SLIT3: variants seen among roughly 807,000 people sequenced by gnomAD.
SLIT3 encodes slit homolog 3 protein.
In SLIT3, 68 loss-of-function variants were observed where a neutral mutation model predicts 184.0. The observed-to-expected ratio is 0.37, with a 90% CI of 0.30 to 0.45. The LOEUF is 0.45. Among genes scored for constraint, SLIT3 ranks in the 20% least tolerant of loss-of-function variants. The pLI is 1.00. For missense variants in SLIT3, 1,707 were observed against 2,026.0 expected (o/e 0.84, Z 3.02); for synonymous variants, 831 against 828.6 (o/e 1.00, Z -0.05).
At chr5:168,907,116 C>T (rs955997322) in intron 4 of SLIT3, among the ~76,000 whole-genome samples, 3 of 152,216 alleles carry the variant, frequency 2.0e-5, no homozygotes, top group African/African-American at 7.2e-5. Flanking sequence ...TCGCCTTGGC[C>T]TCCCAAAATG....
At chr5:169,245,121 C>T (rs1017385466) in intron 2 of SLIT3, among the ~76,000 whole-genome samples, 1 of 152,164 alleles carries the variant, frequency 6.6e-6, no homozygotes, top group African/African-American at 2.4e-5. Flanking sequence ...AGCATCTCTT[C>T]CCTGGGAGCT....
At chr5:169,263,342 A>T (rs1210137135) in intron 1 of SLIT3, among the ~76,000 whole-genome samples, 1 of 152,010 alleles carries the variant, frequency 6.6e-6, no homozygotes, top group African/African-American at 2.4e-5. Context: ...TGTCTCTGAA[A>T]AATAATAAAA....
At chr5:169,106,347 A>T (rs1015676959) in intron 4 of SLIT3, among the ~76,000 whole-genome samples, 1 of 152,164 alleles carries the variant, frequency 6.6e-6, no homozygotes, top group Non-Finnish European at 1.5e-5. Context: ...GGGACTGTTA[A>T]ATAGTATGAG....
At chr5:168,843,028 C>T (rs370454955) in intron 6 of SLIT3, among the ~76,000 whole-genome samples, 15 of 152,186 alleles carry the variant, frequency 9.9e-5, no homozygotes, top group African/African-American at 3.4e-4. Context: ...CTCTCTCTGG[C>T]AGACGGGCAT....
chr5:168,732,791 A>G (rs1278509822), intron 20 of SLIT3, among the ~76,000 whole-genome samples: 1 of 152,136 alleles, frequency 6.6e-6, no homozygotes, highest in African/African-American at 2.4e-5. Context: ...CTGGACTCAT[A>G]CTTTTCACCA....
chr5:169,135,859 C>A (rs1761484222), intron 4 of SLIT3, among the ~76,000 whole-genome samples: 1 of 152,210 alleles, frequency 6.6e-6, no homozygotes, highest in Non-Finnish European at 1.5e-5. Flanking sequence ...GATAGAATCA[C>A]TTTGCCCCAA....
intron 1 of SLIT3, among the ~76,000 whole-genome samples, chr5:169,286,929 T>C (rs868381856): frequency 2.6e-5 from 4 of 152,132 alleles, no homozygotes; most frequent in Non-Finnish European, 4.4e-5. Flanking sequence ...TGACTGAATA[T>C]GGCTTGAATC....
At chr5:169,280,220 C>G (rs185352938) in intron 1 of SLIT3, among the ~76,000 whole-genome samples, 3 of 152,350 alleles carry the variant, frequency 2.0e-5, no homozygotes, top group Admixed American at 2.0e-4. Context: ...CCAAAATCCT[C>G]ATGCAAGGAG....
chr5:168,833,490 A>T (rs1757945034), intron 6 of SLIT3, among the ~76,000 whole-genome samples: 1 of 152,194 alleles, frequency 6.6e-6, no homozygotes, highest in Non-Finnish European at 1.5e-5. Flanking sequence ...TCTCTTCCAG[A>T]CTGCCATCTG....
intron 4 of SLIT3, among the ~76,000 whole-genome samples, chr5:168,978,462 AC>A (rs1041187573): frequency 4.6e-5 from 7 of 152,006 alleles, no homozygotes; most frequent in Non-Finnish European, 5.9e-5. Context: ...CTCCTCCTCC[AC>A]CCTTTGATTT....
chr5:169,261,922 C>G (rs537354894), intron 1 of SLIT3, among the ~76,000 whole-genome samples: 1 of 152,202 alleles, frequency 6.6e-6, no homozygotes. Context: ...GGCCCACATG[C>G]CAAGGAACTG....
intron 4 of SLIT3, among the ~76,000 whole-genome samples, chr5:169,118,033 TG>T (rs1294097866): frequency 5.3e-5 from 8 of 152,160 alleles, no homozygotes; most frequent in African/African-American, 1.9e-4. Flanking sequence ...GAAATGTGGC[TG>T]GGGGTGGTGG....
intron 2 of SLIT3, among the ~76,000 whole-genome samples, chr5:169,245,616 T>C (rs139957791): frequency 6.6e-6 from 1 of 152,186 alleles, no homozygotes; most frequent in African/African-American, 2.4e-5. Flanking sequence ...GGGATGCAAT[T>C]GTGATTGGAG....
At position 169,198,976 on chromosome 5, in the gene SLIT3, A is replaced by ATG. The variant is rs1554106511; in HGVS notation, c.342-5427_342-5426insCA. Among the ~76,000 whole-genome samples the ATG allele has an allele frequency of 2.2e-4, 33 of 149,328 alleles. No homozygotes were observed. The East Asian group carries it at 3.0e-3, about 14-fold the overall frequency. On this transcript the variant is annotated intron_variant, in intron 3 of 35. Coordinates refer to ENST00000519560, the MANE Select transcript of SLIT3 (RefSeq NM_003062.4). ...TATACACACACACACACACACACAC[A>ATG]TATGTGTGTATATTTATATATATAT...
At chr5:168,879,429 A>T (rs192743091) in intron 5 of SLIT3, among the ~76,000 whole-genome samples, 88 of 152,346 alleles carry the variant, frequency 5.8e-4, no homozygotes, top group African/African-American at 2.0e-3. Context: ...TTTTATAGAA[A>T]TTTAATTTGT....
intron 3 of SLIT3, among the ~76,000 whole-genome samples, chr5:169,215,224 A>C (rs1234462757): frequency 6.6e-6 from 1 of 151,866 alleles, no homozygotes. Flanking sequence ...CTTGAACGTA[A>C]CTCGCACTCT....
chr5:168,944,770 G>A (rs771473131), intron 4 of SLIT3, among the ~76,000 whole-genome samples: 2 of 152,118 alleles, frequency 1.3e-5, no homozygotes, highest in African/African-American at 2.4e-5. Context: ...GGTGAAAGTC[G>A]TGAGCAAGTG....
chr5:169,270,136 GA>G (rs1399208653), intron 1 of SLIT3, among the ~76,000 whole-genome samples: 1 of 152,144 alleles, frequency 6.6e-6, no homozygotes, highest in Non-Finnish European at 1.5e-5. Flanking sequence ...CCCTTGCTCA[GA>G]AAAATTTTTA....
intron 4 of SLIT3, among the ~76,000 whole-genome samples, chr5:168,915,104 G>C (rs546514475): frequency 6.6e-6 from 1 of 152,244 alleles, no homozygotes; most frequent in South Asian, 2.1e-4. Context: ...ATAGTTAAAA[G>C]GGGGAGAATT....
Sources: allele counts gnomAD v4.1 joint callset (sites outside exome capture counted in the v4.1 genomes callset), GRCh38; gene constraint gnomAD v4.1.1; transcripts MANE v1.5; gene names NCBI Gene and HGNC (gene_info 2026-07-23, HGNC 2026-07-21).